SEL1L: variants seen among roughly 807,000 people sequenced by gnomAD.
SEL1L encodes protein sel-1 homolog 1.
Under a neutral mutation model 109.8 loss-of-function variants are expected in SEL1L, and 52 were observed. The ratio of observed to expected loss-of-function variants is 0.47; its 90% CI spans 0.38 to 0.60. SEL1L has a LOEUF of 0.60. Among genes scored for constraint, SEL1L ranks in the 20% least tolerant of loss-of-function variants. The pLI is 0.00. For synonymous variants in SEL1L, 373 were observed against 339.6 expected (o/e 1.10, Z -1.08); for missense variants, 749 against 962.2 (o/e 0.78, Z 2.93).
intron 16 of SEL1L, 148 bp downstream of exon 16, chr14:81,487,242 C>A: frequency 3.2e-6 from 2 of 625,432 alleles, no homozygotes; most frequent in East Asian, 3.1e-5. Context: ...ACACACAGAC[C>A]CCTCGGTCTT....
chr14:81,498,382 T>A, intron 9 of SEL1L, 31 bp downstream of exon 9: 1 of 1,525,784 alleles, frequency 6.6e-7, no homozygotes, highest in African/African-American at 1.4e-5. Flanking sequence ...TATTTTTTTT[T>A]CCTAAAAGGT....
At chr14:81,530,901 G>A (rs1157544895) in intron 1 of SEL1L, among the ~76,000 whole-genome samples, 1 of 152,088 alleles carries the variant, frequency 6.6e-6, no homozygotes, top group East Asian at 1.9e-4. Flanking sequence ...ACTACTGTAG[G>A]CAACTGTAAC....
In SEL1L at chr14:81,527,317, G is replaced by A. The variant is rs1951606; in HGVS notation, c.109-353C>T. ...ATCAGAGCTCATAACTGACTGCAGG[G>A]TTGGGCTTGGTTAGTACTTGGAAGG... is the stretch of plus-strand genomic sequence containing the variant. On this transcript the variant is annotated intron_variant, in intron 2 of 20. Coordinates refer to ENST00000336735, the MANE Select transcript of SEL1L (RefSeq NM_005065.6). Among the ~76,000 whole-genome samples the A allele has an allele frequency of 4.4e-3, 674 of 152,168 alleles. 6 individuals carry two copies. Among genetic ancestry groups the A allele is most frequent in the African/African-American group, 0.015 (635 of 41,502 alleles).
At position 81,476,721 on chromosome 14, in the gene SEL1L, GAA is replaced by G; in HGVS notation, c.*249_*250del. ...GTGTCTCACATATGTTTCCAGAAAAGAAAAAAAAAAGCCACTGAAAGTTGTTA... is the reference window on the plus strand; with the variant it reads ...GTGTCTCACATATGTTTCCAGAAAAGAAAAAAAAGCCACTGAAAGTTGTTA... On this transcript the variant is annotated 3_prime_UTR_variant, in exon 21 of 21. Coordinates refer to ENST00000336735, the MANE Select transcript of SEL1L (RefSeq NM_005065.6). 8 of 426,046 alleles carry G rather than the reference GAA, an allele frequency of 1.9e-5. No homozygotes were observed. The highest frequency in any genetic ancestry group is 7.4e-5 in the Admixed American group (2 of 26,894). The allele number at this position is 426,046 out of a possible 1,614,324, so 26.4% of individuals were successfully genotyped here.
At position 81,472,654 on chromosome 14, in the gene SEL1L, T is replaced by C. The variant is rs932081599; in HGVS notation, c.*4318A>G. On this transcript the variant is annotated 3_prime_UTR_variant, in exon 21 of 21. Transcript: ENST00000336735. ...TCAGGCTAAAGTGAATCACGCTTAC[T>C]ACATATCAAGGCTGCTTCAAGACAA... The C allele has an allele frequency of 2.4e-6, 1 of 420,158 alleles. No individual in the cohort carries two copies. The highest frequency in any genetic ancestry group is 3.1e-5 in the Admixed American group (1 of 31,870). The allele number at this position is 420,158 out of a possible 1,614,324, so 26.0% of individuals were successfully genotyped here.
rs148171173 is a variant in SEL1L, at chr14:81,516,284, T to C, written c.341-10043A>G. ...CTCCTGGACACTGTGGCCTTCTCAG[T>C]GTTAACCTCCTGTCCCAGACAACTG... On this transcript the variant is annotated intron_variant, in intron 3 of 20. Coordinates refer to ENST00000336735, the MANE Select transcript of SEL1L (RefSeq NM_005065.6). Among the ~76,000 whole-genome samples the C allele has an allele frequency of 4.1e-3, 629 of 152,212 alleles. 4 individuals carry two copies. The highest frequency in any genetic ancestry group is 0.015 in the African/African-American group (604 of 41,530).
intron 3 of SEL1L, among the ~76,000 whole-genome samples, chr14:81,510,514 C>CTCTCTCTCTCTCTCTCTATA (rs35474067): frequency 7.7e-5 from 8 of 104,084 alleles, no homozygotes; most frequent in East Asian, 3.1e-4. Flanking sequence ...CTCTCTCTCT[C>CTCTCTCTCTCTCTCTCTATA]TATATATATA....
At chr14:81,522,451 G>C (rs1051386556) in intron 3 of SEL1L, among the ~76,000 whole-genome samples, 4 of 152,118 alleles carry the variant, frequency 2.6e-5, no homozygotes, top group African/African-American at 7.2e-5. Context: ...GATAGGTTTA[G>C]ATATACACAT....
intron 20 of SEL1L, among the ~76,000 whole-genome samples, chr14:81,478,340 T>C (rs1022971612): frequency 6.6e-6 from 1 of 152,210 alleles, no homozygotes; most frequent in South Asian, 2.1e-4. Context: ...TTATTAGTCT[T>C]ATACTCTCTT....
chr14:81,515,202 G>C (rs1884652922), intron 3 of SEL1L, among the ~76,000 whole-genome samples: 1 of 152,156 alleles, frequency 6.6e-6, no homozygotes, highest in African/African-American at 2.4e-5. Flanking sequence ...TAGGGGAGGG[G>C]AATTTGGCCC....
chr14:81,498,085 CAGA>C, intron 9 of SEL1L, 39 bp from the exon 10 acceptor site: 2 of 1,582,292 alleles, frequency 1.3e-6, no homozygotes, highest in Non-Finnish European at 1.7e-6. Context: ...GGAGGAAAAT[CAGA>C]AGAATTGTTC....
At position 81,473,512 on chromosome 14, in the gene SEL1L, T is replaced by C. The variant is rs1903064989; in HGVS notation, c.*3460A>G. ...CTGATGAAAAATATTTGCATGAAAA[T>C]AGAAATTTTCTTTTGTTCTGATCAT... On this transcript the variant is annotated 3_prime_UTR_variant, in exon 21 of 21. Coordinates refer to ENST00000336735, the MANE Select transcript of SEL1L (RefSeq NM_005065.6). 1 of 152,174 alleles carries C rather than the reference T, an allele frequency of 6.6e-6. No homozygotes were observed. Among genetic ancestry groups the C allele is most frequent in the Non-Finnish European group, 1.5e-5 (1 of 68,002 alleles). 9.4% of individuals were successfully genotyped at this position (152,174 alleles called of 1,614,324 possible).
chr14:81,532,537 A>G (rs1386853980), intron 1 of SEL1L, among the ~76,000 whole-genome samples: 2 of 152,230 alleles, frequency 1.3e-5, no homozygotes, highest in Non-Finnish European at 2.9e-5. Flanking sequence ...TGAAAGAATG[A>G]TGTTGGCAGT....
At chr14:81,504,118 T>G (rs796863486) in intron 5 of SEL1L, 83 bp downstream of exon 5, 7 of 772,688 alleles carry the variant, frequency 9.1e-6, no homozygotes, top group East Asian at 8.7e-5. Flanking sequence ...TCTCTGGCAG[T>G]GCACTTTTTA....
At chr14:81,478,079 A>T (rs1376705390) in intron 20 of SEL1L, among the ~76,000 whole-genome samples, 1 of 152,250 alleles carries the variant, frequency 6.6e-6, no homozygotes, top group Non-Finnish European at 1.5e-5. Context: ...TTAGCCTATA[A>T]TATTTTAATT....
chr14:81,510,516 A>C (rs71430721), intron 3 of SEL1L, among the ~76,000 whole-genome samples: 12,984 of 94,700 alleles, frequency 0.14, 623 homozygotes, highest in East Asian at 0.3. Context: ...CTCTCTCTCT[A>C]TATATATATA....
chr14:81,494,129 C>T (rs1883648123), intron 11 of SEL1L, among the ~76,000 whole-genome samples: 1 of 152,172 alleles, frequency 6.6e-6, no homozygotes, highest in Non-Finnish European at 1.5e-5. Context: ...AATGCCTGAA[C>T]ATATCCCTAA....
intron 1 of SEL1L, among the ~76,000 whole-genome samples, chr14:81,531,414 T>TATAAC (rs1885317156): frequency 1.3e-5 from 2 of 152,186 alleles, no homozygotes; most frequent in Admixed American, 1.3e-4. Flanking sequence ...CCACTAATGT[T>TATAAC]CAAACACAAA....
At chr14:81,489,168 C>T in intron 14 of SEL1L, 84 bp downstream of exon 14, 1 of 1,236,612 alleles carries the variant, frequency 8.1e-7, no homozygotes, top group Non-Finnish European at 1.2e-6. Flanking sequence ...CCCACCTGGG[C>T]TGACTGGAAG....
Sources: allele counts gnomAD v4.1 joint callset (sites outside exome capture counted in the v4.1 genomes callset), GRCh38; gene constraint gnomAD v4.1.1; transcripts MANE v1.5; gene names NCBI Gene and HGNC (gene_info 2026-07-23, HGNC 2026-07-21).